MSH4: variants seen among roughly 807,000 people sequenced by gnomAD.
MSH4 encodes the protein mutS protein homolog 4.
In MSH4, 106 loss-of-function variants were observed where a neutral mutation model predicts 113.7. That is an observed-to-expected ratio of 0.93 (90% CI 0.80 to 1.10). The LOEUF (loss-of-function observed/expected upper bound fraction) is 1.10. Ranked by LOEUF, MSH4 falls within the 50% of genes least tolerant of loss-of-function variation. MSH4 has a pLI of 0.00. For synonymous variants in MSH4, 368 were observed against 380.2 expected (o/e 0.97, Z 0.37); for missense variants, 1,061 against 1,093.7 (o/e 0.97, Z 0.42).
intron 5 of MSH4, among the ~76,000 whole-genome samples, chr1:75,816,117 C>A (rs1650286831): frequency 6.6e-6 from 1 of 152,136 alleles, no homozygotes; most frequent in Non-Finnish European, 1.5e-5. Context: ...TACCTCCTAA[C>A]ACAGGATTTA....
At chr1:75,884,377 C>T (rs1652010239) in intron 15 of MSH4, among the ~76,000 whole-genome samples, 1 of 151,938 alleles carries the variant, frequency 6.6e-6, no homozygotes, top group African/African-American at 2.4e-5. Flanking sequence ...ATATGGAGGC[C>T]CAGCTTAACT....
At chr1:75,895,358 C>T (rs1254965514) in intron 17 of MSH4, among the ~76,000 whole-genome samples, 1 of 152,156 alleles carries the variant, frequency 6.6e-6, no homozygotes, top group Admixed American at 6.6e-5. Flanking sequence ...CAACCCAACC[C>T]AGGCAGGACT....
intron 8 of MSH4, among the ~76,000 whole-genome samples, chr1:75,856,450 C>T (rs902068126): frequency 6.6e-6 from 1 of 152,138 alleles, no homozygotes; most frequent in East Asian, 1.9e-4. Flanking sequence ...CCCTCCACCC[C>T]CGACAGGCCC....
chr1:75,833,173 C>T (rs548829647), intron 7 of MSH4, among the ~76,000 whole-genome samples: 19 of 152,262 alleles, frequency 1.2e-4, no homozygotes, highest in Non-Finnish European at 2.6e-4. Flanking sequence ...CATGAGTGAA[C>T]TCCCATTCAC....
At chr1:75,802,233 G>A (rs572669071) in intron 1 of MSH4, among the ~76,000 whole-genome samples, 65 of 152,294 alleles carry the variant, frequency 4.3e-4, no homozygotes, top group Admixed American at 7.8e-4. Context: ...AGTCGTTACA[G>A]CTATATACGA....
rs5745530 is a variant in MSH4, at chr1:75,896,573, A to G, written c.2356-1334A>G. Among the ~76,000 whole-genome samples the G allele has an allele frequency of 3.4e-3, 514 of 152,088 alleles. 3 individuals carry two copies. The highest frequency in any genetic ancestry group is 4.3e-3 in the Non-Finnish European group (290 of 67,998). On this transcript the variant is annotated intron_variant, in intron 17 of 19. Transcript: ENST00000263187. ...AGCATACAGTATCTGTTTCCAAAGT[A>G]TTCTACAATAGTTTAAAATAGTGTT...
chr1:75,912,769 C>G lies in MSH4; in HGVS notation c.2693C>G (p.Thr898Ser), dbSNP rs756051963. The G allele has an allele frequency of 3.1e-6, 5 of 1,593,608 alleles. No individual in the cohort carries two copies. The Admixed American group carries it at 8.8e-5, about 28-fold the overall frequency. ...CATCTAGCCACTAGGCTTGTTCAAACTGCTCGAAACTCTCAATTGGATCCA... is the reference window on the plus strand; with the variant it reads ...CATCTAGCCACTAGGCTTGTTCAAAGTGCTCGAAACTCTCAATTGGATCCA... ...VYHLATRLVQ[T>S]ARNSQLDPDS... is the part of the protein sequence containing the mutation. Residue 898 changes from threonine (T) to serine (S), a missense_variant, in exon 20 of 20, where the codon ACT becomes AGT. By Grantham distance (58) the Thr-to-Ser change is moderately conservative. Coordinates refer to ENST00000263187, the MANE Select transcript of MSH4 (RefSeq NM_002440.4).
chr1:75,810,780 G>A lies in MSH4; in HGVS notation c.672G>A (p.Leu224=). The change falls in exon 4 of 20, where the codon TTG becomes TTA. Residue 224 remains leucine (L), a synonymous_variant. Transcript: ENST00000263187. ...GTGCTGTGGGGAATTCCACCAAGTT[G>A]TTCACTCTGATCACAGAAAATTTCA... ...TACAVGNSTK[L]FTLITENFKN... is the part of the protein sequence containing the mutation. 6.3e-7 allele frequency: 1 copy of A among 1,584,624 alleles called. No homozygotes were observed. The highest frequency in any genetic ancestry group is 8.6e-7 in the Non-Finnish European group (1 of 1,165,536).
At chr1:75,851,676 TTGGGATTA>T (rs1188073568) in intron 8 of MSH4, among the ~76,000 whole-genome samples, 2 of 152,160 alleles carry the variant, frequency 1.3e-5, no homozygotes, top group Non-Finnish European at 2.9e-5. Context: ...TTCCAAAATG[TTGGGATTA>T]TAGGTGTGAA....
chr1:75,908,079 C>G (rs1261258067), intron 19 of MSH4, among the ~76,000 whole-genome samples: 1 of 150,066 alleles, frequency 6.7e-6, no homozygotes, highest in East Asian at 2.0e-4. Flanking sequence ...TTTTTAAGTT[C>G]AACAAATGTA....
chr1:75,908,344 C>T (rs1193676458), intron 19 of MSH4, among the ~76,000 whole-genome samples: 1 of 152,076 alleles, frequency 6.6e-6, no homozygotes, highest in African/African-American at 2.4e-5. Context: ...TGGAGTTTCA[C>T]TGTGTTGGCC....
chr1:75,844,928 T>G (rs1651043713), intron 7 of MSH4, among the ~76,000 whole-genome samples: 1 of 152,224 alleles, frequency 6.6e-6, no homozygotes, highest in East Asian at 1.9e-4. Flanking sequence ...GCCTTCTTGA[T>G]GCATCATCCC....
chr1:75,853,868 G>A (rs1030693555), intron 8 of MSH4, among the ~76,000 whole-genome samples: 1 of 151,748 alleles, frequency 6.6e-6, no homozygotes, highest in Non-Finnish European at 1.5e-5. Flanking sequence ...GGTAGCCTTT[G>A]AATCAACTAT....
chr1:75,855,368 A>G (rs1173631408), intron 8 of MSH4, among the ~76,000 whole-genome samples: 2 of 152,136 alleles, frequency 1.3e-5, no homozygotes, highest in Non-Finnish European at 2.9e-5. Context: ...GTGTAACAAA[A>G]CACTATGAAT....
chr1:75,856,877 T>C (rs1396869277), intron 8 of MSH4, among the ~76,000 whole-genome samples: 1 of 152,192 alleles, frequency 6.6e-6, no homozygotes, highest in Non-Finnish European at 1.5e-5. Flanking sequence ...TCTTCCACAA[T>C]GGTTGAACTA....
chr1:75,816,547 G>C lies in MSH4; in HGVS notation c.989+1G>C. 1 of 1,515,638 alleles carries C rather than the reference G, an allele frequency of 6.6e-7. No individual in the cohort carries two copies. The highest frequency in any genetic ancestry group is 1.4e-5 in the African/African-American group (1 of 72,610). 93.9% of individuals were successfully genotyped at this position (1,515,638 alleles called of 1,614,324 possible). ...TGTTAATTAATAATCAAGACTATAGGTAAGATCATCCATTTTATTTGTATA... is the reference window on the plus strand; with the variant it reads ...TGTTAATTAATAATCAAGACTATAGCTAAGATCATCCATTTTATTTGTATA... On this transcript the variant is annotated splice_donor_variant, in intron 6 of 19. Coordinates refer to ENST00000263187, the MANE Select transcript of MSH4 (RefSeq NM_002440.4). LOFTEE classifies it high-confidence loss of function.
At chr1:75,820,079 T>A (rs552546579) in intron 6 of MSH4, among the ~76,000 whole-genome samples, 1 of 142,500 alleles carries the variant, frequency 7.0e-6, no homozygotes, top group Non-Finnish European at 1.6e-5. Flanking sequence ...TGTCTTGTAC[T>A]TGTCATCAGA....
At chr1:75,837,389 T>C (rs1199997876) in intron 7 of MSH4, among the ~76,000 whole-genome samples, 1 of 61,496 alleles carries the variant, frequency 1.6e-5, no homozygotes, top group South Asian at 4.6e-4. Context: ...TTGTGCCCTT[T>C]TTTTTTTTTT....
At chr1:75,870,174 T>C (rs1020657608) in intron 9 of MSH4, among the ~76,000 whole-genome samples, 3 of 152,202 alleles carry the variant, frequency 2.0e-5, no homozygotes, top group African/African-American at 7.2e-5. Context: ...GTGGGGCCTG[T>C]AGCCCCTCCA....
Sources: gnomAD v4.1 joint callset for allele counts (sites outside exome capture counted in the v4.1 genomes callset) on GRCh38, gnomAD v4.1.1 for gene constraint, MANE v1.5 for transcripts, NCBI Gene and HGNC (gene_info 2026-07-23, HGNC 2026-07-21) for gene names.